SLC28A3: variants seen among roughly 807,000 people sequenced by gnomAD.
SLC28A3 encodes concentrative Na(+)-nucleoside cotransporter 3.
Under a neutral mutation model 84.2 loss-of-function variants are expected in SLC28A3, and 68 were observed. That is an observed-to-expected ratio of 0.81 (90% CI 0.66 to 0.99). The LOEUF (loss-of-function observed/expected upper bound fraction) is 0.99, where lower values mean the gene tolerates loss of function less well. Among genes scored for constraint, SLC28A3 ranks in the 50% least tolerant of loss-of-function variants. The probability of loss-of-function intolerance (pLI) is 0.00; values close to 1 mark genes in which losing one functional copy is unlikely to be tolerated. For synonymous variants in SLC28A3, 267 were observed against 303.6 expected (o/e 0.88, Z 1.25); for missense variants, 712 against 841.5 (o/e 0.85, Z 1.90).
chr9:84,284,888 T>G (rs1347213471), intron 14 of SLC28A3, among the ~76,000 whole-genome samples: 1 of 152,170 alleles, frequency 6.6e-6, no homozygotes, highest in Non-Finnish European at 1.5e-5. Flanking sequence ...TTTGGACAGT[T>G]TCTCAGAGCT....
At chr9:84,362,576 G>A in the SLC28A3 span, among the ~76,000 whole-genome samples, 1 of 151,904 alleles carries the variant, frequency 6.6e-6, no homozygotes, top group Non-Finnish European at 1.5e-5. Flanking sequence ...AGATTGCAGT[G>A]AGCCGAGATC....
At chr9:84,362,968 T>G in the SLC28A3 span, among the ~76,000 whole-genome samples, 28 of 152,234 alleles carry the variant, frequency 1.8e-4, no homozygotes, top group African/African-American at 6.0e-4. Context: ...TAAAAATATT[T>G]TTGGATGTCT....
chr9:84,308,626 C>A lies in SLC28A3; in HGVS notation c.242+1003G>T, dbSNP rs183111485. ...GCCTATGCAACAGAGTAAGCCCCTG[C>A]CTCTAAAAAAGAAAAAAGAAAAATT... is the stretch of plus-strand genomic sequence containing the variant. On this transcript the variant is annotated intron_variant, in intron 3 of 17. Coordinates refer to ENST00000376238, the MANE Select transcript of SLC28A3 (RefSeq NM_001199633.2). 1.0e-3 allele frequency among the ~76,000 whole-genome samples: 158 copies of A among 152,086 alleles called. 1 individual carries two copies. The highest frequency in any genetic ancestry group is 3.6e-3 in the African/African-American group (148 of 41,450).
At position 84,299,624 on chromosome 9, in the gene SLC28A3, A is replaced by G. The variant is rs922592247; in HGVS notation, c.626T>C (p.Met209Thr). 8 of 1,613,874 alleles carry G rather than the reference A, an allele frequency of 5.0e-6. No homozygotes were observed. The highest frequency in any genetic ancestry group is 6.8e-6 in the Non-Finnish European group (8 of 1,179,992). ...AAATAGAAATAACAGGACAATGTAC[A>G]TTATGAGCCCACCGAAGGACACCAG... ...QQLVSFGGLI[M>T]YIVLLFLFSK... Residue 209 changes from methionine (M) to threonine (T), a missense_variant, in exon 6 of 18, where the codon ATG becomes ACG. Coordinates refer to ENST00000376238, the MANE Select transcript of SLC28A3 (RefSeq NM_001199633.2).
At chr9:84,347,196 A>G in the SLC28A3 span, among the ~76,000 whole-genome samples, 1 of 124,310 alleles carries the variant, frequency 8.0e-6, no homozygotes, top group East Asian at 2.2e-4. Context: ...ACAGAGCAAG[A>G]CTCTGTCTAA....
intron 1 of SLC28A3, among the ~76,000 whole-genome samples, chr9:84,323,357 A>C (rs763220992): frequency 3.3e-5 from 5 of 152,192 alleles, no homozygotes; most frequent in Non-Finnish European, 7.3e-5. Flanking sequence ...AAATCCAGGC[A>C]GACTGACTAA....
chr9:84,355,966 C>G, the SLC28A3 span, among the ~76,000 whole-genome samples: 1 of 151,988 alleles, frequency 6.6e-6, no homozygotes, highest in Admixed American at 6.6e-5. Flanking sequence ...GGGTGCACCC[C>G]ACCACACCCA....
chr9:84,364,660 T>G, the SLC28A3 span, among the ~76,000 whole-genome samples: 1 of 152,076 alleles, frequency 6.6e-6, no homozygotes, highest in Non-Finnish European at 1.5e-5. Context: ...CTACCTCCCC[T>G]GCAGACCCCC....
intron 1 of SLC28A3, among the ~76,000 whole-genome samples, chr9:84,321,018 T>C (rs1013074335): frequency 6.6e-6 from 1 of 150,978 alleles, no homozygotes; most frequent in African/African-American, 2.4e-5. Context: ...AATTATACAA[T>C]TGATTACTTA....
intron 3 of SLC28A3, among the ~76,000 whole-genome samples, chr9:84,306,694 G>A (rs1281321340): frequency 2.6e-5 from 4 of 151,972 alleles, no homozygotes; most frequent in African/African-American, 9.7e-5. Flanking sequence ...ATGTCTATGA[G>A]CCATACAGCA....
intron 1 of SLC28A3, among the ~76,000 whole-genome samples, chr9:84,329,558 A>G (rs945697882): frequency 6.6e-6 from 1 of 152,214 alleles, no homozygotes; most frequent in Admixed American, 6.5e-5. Context: ...TTATGAGGAA[A>G]TTAAGCACAC....
Position 84,288,066 on chromosome 9 carries a change from G to T in SLC28A3, c.1262C>A (p.Ala421Asp). 1 of 1,613,912 alleles carries T rather than the reference G, an allele frequency of 6.2e-7. No individual in the cohort carries two copies. The highest frequency in any genetic ancestry group is 8.5e-7 in the Non-Finnish European group (1 of 1,179,898). The change falls in exon 12 of 18, where the codon GCC becomes GAC. Residue 421 changes from alanine to aspartate, a missense_variant. Physicochemically the swap from Ala to Asp is moderately radical, Grantham distance 126. Transcript: ENST00000376238. ...CACTTACCCACTTTCCATTTTCATG[G>T]CATTCTTGAGGGTTATTTTAGGTTT... ...TEKPKITLKN[A>D]MKMESGDSGN... is the part of the protein sequence containing the mutation.
chr9:84,322,547 G>T (rs1036996795), intron 1 of SLC28A3, among the ~76,000 whole-genome samples: 2 of 152,102 alleles, frequency 1.3e-5, no homozygotes, highest in Non-Finnish European at 2.9e-5. Context: ...ACTCAAATTA[G>T]AAGCACAGAG....
At chr9:84,363,300 G>A in the SLC28A3 span, among the ~76,000 whole-genome samples, 274 of 152,288 alleles carry the variant, frequency 1.8e-3, no homozygotes, top group African/African-American at 5.9e-3. Context: ...ATGTAGGAGA[G>A]GAACCAAGAG....
chr9:84,324,220 T>C (rs1826474875), intron 1 of SLC28A3, among the ~76,000 whole-genome samples: 1 of 152,172 alleles, frequency 6.6e-6, no homozygotes, highest in South Asian at 2.1e-4. Context: ...GATTAAGCAA[T>C]TTTTCTTTCA....
intron 2 of SLC28A3, among the ~76,000 whole-genome samples, chr9:84,312,286 A>G (rs1826015766): frequency 6.6e-6 from 1 of 152,220 alleles, no homozygotes; most frequent in Non-Finnish European, 1.5e-5. Context: ...AGCAAAATAG[A>G]CAGTTACCAA....
At chr9:84,327,446 T>C (rs758578088) in intron 1 of SLC28A3, among the ~76,000 whole-genome samples, 11 of 151,860 alleles carry the variant, frequency 7.2e-5, no homozygotes, top group Non-Finnish European at 1.3e-4. Flanking sequence ...TCATGCTTTG[T>C]GGTGTCTTAA....
intron 10 of SLC28A3, among the ~76,000 whole-genome samples, chr9:84,291,882 A>G (rs1825236702): frequency 6.6e-6 from 1 of 152,054 alleles, no homozygotes; most frequent in Non-Finnish European, 1.5e-5. Context: ...GCTTATTACA[A>G]TTTCTTACTG....
rs1376029856 is a variant in SLC28A3, at chr9:84,285,943, C to G, written c.1449G>C (p.Glu483Asp). ...GGGCAGGGGCGTGATGTGATTATAC[C>G]TCAAAACTCAGCTGTGGGTAGTCAA... ...NMFDYPQLSF[E>D]LICSYIFMPF... The change falls in exon 13 of 18, where the codon GAG becomes GAC. Residue 483 changes from glutamate to aspartate, a missense_variant and splice_region_variant. By Grantham distance (45) the Glu-to-Asp change is conservative. Transcript: ENST00000376238. 2 of 1,612,954 alleles carry G rather than the reference C, an allele frequency of 1.2e-6. No individual in the cohort carries two copies. Among genetic ancestry groups the G allele is most frequent in the African/African-American group, 1.3e-5 (1 of 74,992 alleles).
Sources: gnomAD v4.1 joint callset for allele counts (sites outside exome capture counted in the v4.1 genomes callset) on GRCh38, gnomAD v4.1.1 for gene constraint, MANE v1.5 for transcripts, NCBI Gene and HGNC (gene_info 2026-07-23, HGNC 2026-07-21) for gene names.